The following SETDB1 variants were observed in gnomAD, a reference collection of about 807,000 sequenced individuals.
The protein encoded by SETDB1 is SET domain bifurcated histone lysine methyltransferase 1, also known as histone-lysine N-methyltransferase SETDB1.
In SETDB1, 31 loss-of-function variants were observed where a neutral mutation model predicts 137.4. That is an observed-to-expected ratio of 0.23 (90% CI 0.17 to 0.30). The LOEUF is 0.30. Among genes scored for constraint, SETDB1 ranks in the 10% least tolerant of loss-of-function variants. The pLI is 1.00. For synonymous variants in SETDB1, 548 were observed against 579.9 expected, an observed-to-expected ratio of 0.95 and a Z score of 0.79; for missense variants, 1,113 against 1,631.5, an observed-to-expected ratio of 0.68 and a Z score of 5.47.
intron 9 of SETDB1, 88 bp downstream of exon 9, chr1:150,945,196 C>T: frequency 1.3e-6 from 2 of 1,565,362 alleles, no homozygotes; most frequent in Non-Finnish European, 8.7e-7. Context: ...ATAGCTATTC[C>T]ATAGCCTTCC....
intron 1 of SETDB1, among the ~76,000 whole-genome samples, chr1:150,927,308 G>C (rs1011274328): frequency 2.0e-5 from 3 of 151,970 alleles, no homozygotes; most frequent in Admixed American, 6.6e-5. Context: ...GTATTTTTTT[G>C]TAAAGACGAG....
intron 4 of SETDB1, among the ~76,000 whole-genome samples, chr1:150,940,959 T>C (rs1670124227): frequency 6.6e-6 from 1 of 151,182 alleles, no homozygotes; most frequent in Non-Finnish European, 1.5e-5. Context: ...AATCATGCCA[T>C]TGCACTCCAG....
In SETDB1 at chr1:150,964,338, A is replaced by G; in HGVS notation, c.3853A>G (p.Ile1285Val). ...GKELLCCCGA[I>V]ECRGRLL ...GGAGCTACTCTGTTGCTGTGGGGCC[A>G]TTGAATGCAGAGGACGTCTTCTTTA... is the stretch of plus-strand genomic sequence containing the variant. Residue 1285 changes from isoleucine to valine, a missense_variant, in exon 22 of 22, where the codon ATT (isoleucine) becomes GTT (valine). Transcript: ENST00000692827. The G allele has an allele frequency of 6.2e-7, 1 of 1,613,868 alleles. No homozygotes were observed. The highest frequency in any genetic ancestry group is 8.5e-7 in the Non-Finnish European group (1 of 1,179,736).
intron 14 of SETDB1, among the ~76,000 whole-genome samples, chr1:150,954,442 A>C (rs1020591247): frequency 6.6e-6 from 1 of 152,226 alleles, no homozygotes; most frequent in Non-Finnish European, 1.5e-5. Context: ...AGAGGAGAAA[A>C]GCATCAGTGA....
chr1:150,960,022 G>A (rs972150384), intron 15 of SETDB1, among the ~76,000 whole-genome samples: 6 of 151,622 alleles, frequency 4.0e-5, no homozygotes, highest in Non-Finnish European at 7.4e-5. Flanking sequence ...GCAGTGAGCC[G>A]AGATCATGCC....
chr1:150,932,460 T>G (rs1165340098), intron 3 of SETDB1, among the ~76,000 whole-genome samples: 1 of 152,152 alleles, frequency 6.6e-6, no homozygotes, highest in Non-Finnish European at 1.5e-5. Flanking sequence ...TCTTTGTGGA[T>G]TTTTAAAATC....
chr1:150,937,186 TAA>T (rs1327799691), intron 3 of SETDB1, among the ~76,000 whole-genome samples: 3 of 131,238 alleles, frequency 2.3e-5, no homozygotes, highest in Non-Finnish European at 3.3e-5. Context: ...ACACAGCCAC[TAA>T]AAAAAAAAAG....
At position 150,962,279 on chromosome 1, in the gene SETDB1, C is replaced by T. The variant is rs587730623; in HGVS notation, c.3161+121C>T. On this transcript the variant is annotated intron_variant, in intron 17 of 21. Transcript: ENST00000692827. ...CCCCTCCCAGGCTCAAGAGATTCTC[C>T]CACCTCAGCCTCCCTAGTAGCTGGG... is the stretch of plus-strand genomic sequence containing the variant. 9 of 892,462 alleles carry T rather than the reference C, an allele frequency of 1.0e-5. No individual in the cohort carries two copies. In the East Asian group the frequency reaches 2.2e-4, roughly 22 times the overall value. 55.3% of individuals were successfully genotyped at this position (892,462 alleles called of 1,614,324 possible).
chr1:150,937,068 T>G (rs1323194712), intron 3 of SETDB1, among the ~76,000 whole-genome samples: 1 of 151,964 alleles, frequency 6.6e-6, no homozygotes, highest in Non-Finnish European at 1.5e-5. Context: ...GAGGTTGCTG[T>G]GAGCCAAGAT....
intron 14 of SETDB1, among the ~76,000 whole-genome samples, chr1:150,952,633 C>T (rs1327572839): frequency 2.0e-5 from 3 of 151,976 alleles, no homozygotes; most frequent in Non-Finnish European, 4.4e-5. Flanking sequence ...AATCCCAGCA[C>T]TTTGGGAGGC....
rs765825007 is a variant in SETDB1 at position 150,962,753 on chromosome 1, A to G, written c.3294+34A>G. The G allele has an allele frequency of 4.4e-6, 7 of 1,607,350 alleles. No individual in the cohort carries two copies. In the African/African-American group the frequency reaches 9.4e-5, roughly 22 times the overall value. ...CCTCAAGCTTATTCAGAGTCTAATA[A>G]AGGAAAATGGGCCATTGTCACCTCA... On this transcript the variant is annotated intron_variant, in intron 18 of 21. Coordinates refer to ENST00000692827, the MANE Select transcript of SETDB1 (RefSeq NM_001366418.1).
chr1:150,962,680 A>T lies in SETDB1; in HGVS notation c.3255A>T (p.Gln1085His). 6.2e-7 allele frequency: 1 copy of T among 1,614,140 alleles called. No homozygotes were observed. The highest frequency in any genetic ancestry group is 1.1e-5 in the South Asian group (1 of 91,080). The change falls in exon 18 of 22, where the codon CAA (glutamine) becomes CAT (histidine). Residue 1085 changes from glutamine (Q) to histidine (H), a missense_variant. Gln to His is a conservative substitution (Grantham distance 24). Coordinates refer to ENST00000692827, the MANE Select transcript of SETDB1 (RefSeq NM_001366418.1). ...RRPPSKTSMH[Q>H]SRRLMASAQS... is the part of the protein sequence containing the mutation. ...CACCTAGTAAGACTAGTATGCATCAAAGCCGAAGACTCATGGCTTCTGCTC... is the reference window on the plus strand; with the variant it reads ...CACCTAGTAAGACTAGTATGCATCATAGCCGAAGACTCATGGCTTCTGCTC...
At position 150,940,043 on chromosome 1, in the gene SETDB1, C is replaced by G; in HGVS notation, c.447+69C>G. 15 of 1,196,576 alleles carry G rather than the reference C, an allele frequency of 1.3e-5. No individual in the cohort carries two copies. In the South Asian group the frequency reaches 1.6e-4, roughly 13 times the overall value. 74.1% of individuals were successfully genotyped at this position (1,196,576 alleles called of 1,614,324 possible). ...AAATAGGAGAATTTTTTGGCCTAAC[C>G]ATTTAATCAGTTTAGCTGTCAGTAT... On this transcript the variant is annotated intron_variant, in intron 4 of 21. Transcript: ENST00000692827.
In SETDB1 at chr1:150,949,459, C is replaced by T. The variant is rs1241386730; in HGVS notation, c.1517C>T (p.Ser506Phe). ...RPGSVGSGHS[S>F]PTSPALSENV... The stretch of plus-strand genomic sequence containing the variant: ...GGATCTGTGGGCTCTGGTCATTCCT[C>T]CCCTACATCTCCTGCACTCAGTGAA... The change falls in exon 12 of 22, where the codon TCC becomes TTC. Residue 506 changes from serine (S) to phenylalanine (F), a missense_variant. By Grantham distance (155) the Ser-to-Phe change is radical. Coordinates refer to ENST00000692827, the MANE Select transcript of SETDB1 (RefSeq NM_001366418.1). The T allele has an allele frequency of 6.2e-7, 1 of 1,613,990 alleles. No individual in the cohort carries two copies. Among genetic ancestry groups the T allele is most frequent in the Non-Finnish European group, 8.5e-7 (1 of 1,180,002 alleles).
intron 3 of SETDB1, among the ~76,000 whole-genome samples, chr1:150,936,978 A>G (rs1443973637): frequency 1.3e-5 from 2 of 152,182 alleles, no homozygotes; most frequent in African/African-American, 4.8e-5. Flanking sequence ...TACAAAAATT[A>G]GCTGGGTATG....
Position 150,964,665 on chromosome 1 carries a change from A to T in SETDB1, c.*301A>T. 1 of 603,600 alleles carries T rather than the reference A, an allele frequency of 1.7e-6. No homozygotes were observed. The highest frequency in any genetic ancestry group is 3.0e-6 in the Non-Finnish European group (1 of 338,624). 37.4% of individuals were successfully genotyped at this position (603,600 alleles called of 1,614,324 possible). A position where few individuals can be genotyped will look rare whatever the true frequency, so the allele number is the denominator to read the frequency against. Reference sequence around the variant, plus strand: ...GCTTCTAACAGACTTTGTTCTTAGAATGGAGCCTGTGTATCTACTATCTCC... The same window carrying T: ...GCTTCTAACAGACTTTGTTCTTAGATTGGAGCCTGTGTATCTACTATCTCC... On this transcript the variant is annotated 3_prime_UTR_variant, in exon 22 of 22. Transcript: ENST00000692827.
chr1:150,963,419 T>C, intron 19 of SETDB1, 111 bp from the exon 20 acceptor site: 1 of 971,772 alleles, frequency 1.0e-6, no homozygotes, highest in Non-Finnish European at 1.6e-6. Flanking sequence ...AGCTTATTGG[T>C]GTTTCTCAGC....
intron 14 of SETDB1, among the ~76,000 whole-genome samples, chr1:150,957,929 G>A (rs1325972620): frequency 6.6e-6 from 1 of 152,122 alleles, no homozygotes; most frequent in Non-Finnish European, 1.5e-5. Context: ...GCTCACACCT[G>A]TACTCCCAGC....
intron 14 of SETDB1, among the ~76,000 whole-genome samples, chr1:150,952,424 G>T (rs1335235871): frequency 2.0e-5 from 3 of 152,158 alleles, no homozygotes; most frequent in Non-Finnish European, 4.4e-5. Flanking sequence ...TAGAGCTACA[G>T]AATTGGATAG....
Sources: allele counts gnomAD v4.1 joint callset (sites outside exome capture counted in the v4.1 genomes callset), GRCh38; gene constraint gnomAD v4.1.1; transcripts MANE v1.5; gene names NCBI Gene and HGNC (gene_info 2026-07-23, HGNC 2026-07-21).